AP3D1: variants seen among roughly 807,000 people sequenced by gnomAD.
AP3D1 encodes AP-3 complex subunit delta-1.
AP3D1 carries 51 observed loss-of-function variants against 147.6 expected under a neutral mutation model. The observed-to-expected ratio is 0.35, with a 90% confidence interval of 0.28 to 0.44. The LOEUF is 0.44. Ranked by LOEUF, AP3D1 falls within the 20% of genes least tolerant of loss-of-function variation. The probability of loss-of-function intolerance (pLI) is 1.00; values close to 1 mark genes in which losing one functional copy is unlikely to be tolerated. For synonymous variants in AP3D1, 760 were observed against 663.0 expected (o/e 1.15, Z -2.25); for missense variants, 1,421 against 1,624.2 (o/e 0.87, Z 2.15).
Position 2,101,392 on chromosome 19 carries a change from C to G in AP3D1, c.*781G>C, listed in dbSNP as rs866415380. 52 of 152,226 alleles carry G rather than the reference C, an allele frequency of 3.4e-4. No individual in the cohort carries two copies. Among genetic ancestry groups the G allele is most frequent in the African/African-American group, 1.2e-3 (49 of 41,442 alleles). 9.4% of individuals were successfully genotyped at this position (152,226 alleles called of 1,614,324 possible). On this transcript the variant is annotated 3_prime_UTR_variant, in exon 32 of 32. Coordinates refer to ENST00000643116, the MANE Select transcript of AP3D1 (RefSeq NM_001261826.3). ...GCTTCCAGGCCCTGCCTGGGCCTTC[C>G]TAAGGGTGCTGGGAAGGATGTGGGG... is the stretch of plus-strand genomic sequence containing the variant.
intron 1 of AP3D1, among the ~76,000 whole-genome samples, chr19:2,162,128 C>T (rs112928830): frequency 0.039 from 5,824 of 149,258 alleles, 375 homozygotes; most frequent in African/African-American, 0.14. Flanking sequence ...CTCTGCCTCC[C>T]GGACTCAAGT....
At chr19:2,138,529 G>A in intron 2 of AP3D1, 90 bp downstream of exon 2, 8 of 1,011,586 alleles carry the variant, frequency 7.9e-6, no homozygotes, top group Non-Finnish European at 1.2e-5. Flanking sequence ...ATGACTGACA[G>A]GTGGACAGAC....
intron 14 of AP3D1, among the ~76,000 whole-genome samples, chr19:2,119,509 C>T (rs904863729): frequency 2.6e-5 from 4 of 151,918 alleles, no homozygotes; most frequent in Admixed American, 1.3e-4. Context: ...CTGGCTAACA[C>T]GGTGAAACCC....
chr19:2,133,009 G>A (rs375713173), intron 4 of AP3D1, among the ~76,000 whole-genome samples: 319 of 152,328 alleles, frequency 2.1e-3, no homozygotes, highest in Middle Eastern at 0.01. Context: ...CCTGTCACAA[G>A]TCACTCCAAG....
chr19:2,114,921 C>T (rs2018397059), intron 20 of AP3D1, 100 bp from the exon 21 acceptor site: 32 of 1,312,164 alleles, frequency 2.4e-5, no homozygotes, highest in South Asian at 1.9e-4. Context: ...GCGGGCCACA[C>T]GCACAGGTGG....
intron 1 of AP3D1, among the ~76,000 whole-genome samples, chr19:2,141,618 T>A (rs976865708): frequency 6.6e-6 from 1 of 152,008 alleles, no homozygotes; most frequent in African/African-American, 2.4e-5. Context: ...ATTTTTGCAT[T>A]TTTAGCAGAG....
chr19:2,123,417 G>GA lies in AP3D1; in HGVS notation c.907-12dup. The GA allele has an allele frequency of 6.2e-7, 1 of 1,612,354 alleles. No individual in the cohort carries two copies. Among genetic ancestry groups the GA allele is most frequent in the Non-Finnish European group, 8.5e-7 (1 of 1,179,532 alleles). On this transcript the variant is annotated splice_polypyrimidine_tract_variant and intron_variant, in intron 10 of 31. Transcript: ENST00000643116. ...TTTCTGAACACAAAGCTGAAAAGAA[G>GA]AAAAAAACGATGCTGGTTACATCCT...
intron 1 of AP3D1, among the ~76,000 whole-genome samples, chr19:2,160,040 G>A (rs992192567): frequency 3.1e-4 from 47 of 151,590 alleles, no homozygotes; most frequent in African/African-American, 1.1e-3. Context: ...TAGTAGAGAC[G>A]GGGTTTCACC....
chr19:2,152,015 G>C (rs1032455507), upstream of AP3D1, among the ~76,000 whole-genome samples: 5 of 152,214 alleles, frequency 3.3e-5, no homozygotes, highest in African/African-American at 1.2e-4. Flanking sequence ...AACGGATCCT[G>C]TGGTTCCCGC....
rs537489502 is a variant in AP3D1, at chr19:2,114,316, G to A, written c.2424-14C>T. 5.7e-5 allele frequency: 92 copies of A among 1,605,464 alleles called. 2 individuals are homozygous for A. The South Asian group carries it at 9.9e-4, about 17-fold the overall frequency. On this transcript the variant is annotated splice_polypyrimidine_tract_variant and intron_variant, in intron 21 of 31. Coordinates refer to ENST00000643116, the MANE Select transcript of AP3D1 (RefSeq NM_001261826.3). ...TCGGCTAAGGGCCTGGAGGAGGAATGACCGGGCCACACATCAGCACCACTG... is the reference window on the plus strand; with the variant it reads ...TCGGCTAAGGGCCTGGAGGAGGAATAACCGGGCCACACATCAGCACCACTG...
In AP3D1 at chr19:2,115,540, G is replaced by C; in HGVS notation, c.2147C>G (p.Pro716Arg). 6.2e-7 allele frequency: 1 copy of C among 1,613,176 alleles called. No individual in the cohort carries two copies. Among genetic ancestry groups the C allele is most frequent in the Non-Finnish European group, 8.5e-7 (1 of 1,179,804 alleles). ...QIDLSVPLKVPGLPMSDQYVK... is the reference protein window; with the variant it reads ...QIDLSVPLKVRGLPMSDQYVK... ...GCCGACACACCGGAGACACTTGCCT[G>C]GAACCTTCAAGGGGACGGAGAGGTC... The change falls in exon 19 of 32, where the codon CCA (proline) becomes CGA (arginine). Residue 716 changes from proline to arginine, a missense_variant and splice_region_variant. Physicochemically the swap from Pro to Arg is moderately radical, Grantham distance 103. This residue lies in a region of AP3D1 where 791 missense variants were observed against 761.4 expected (regional missense o/e 1.04). Transcript: ENST00000643116.
Position 2,101,943 on chromosome 19 carries a change from C to T in AP3D1, c.*230G>A, listed in dbSNP as rs1322148170. The T allele has an allele frequency of 2.1e-5, 11 of 511,744 alleles. No homozygotes were observed. The highest frequency in any genetic ancestry group is 6.0e-5 in the African/African-American group (3 of 50,374). 31.7% of individuals were successfully genotyped at this position (511,744 alleles called of 1,614,324 possible). On this transcript the variant is annotated 3_prime_UTR_variant, in exon 32 of 32. Coordinates refer to ENST00000643116, the MANE Select transcript of AP3D1 (RefSeq NM_001261826.3). ...GGGGAGTCCCTTGCTGGTTTGGGGG[C>T]GAGAAGGGGACTTCTTGCCAAAGAG... is the stretch of plus-strand genomic sequence containing the variant.
upstream of AP3D1, among the ~76,000 whole-genome samples, chr19:2,153,455 C>G (rs1230606277): frequency 1.3e-5 from 2 of 152,024 alleles, no homozygotes; most frequent in African/African-American, 4.8e-5. Context: ...GAGGACAGAT[C>G]ACTTGAGGTC....
chr19:2,129,518 G>A, intron 6 of AP3D1, 61 bp from the exon 7 acceptor site: 1 of 1,563,972 alleles, frequency 6.4e-7, no homozygotes, highest in South Asian at 1.2e-5. Context: ...CCATCCTACT[G>A]TCTTCCTGGC....
At chr19:2,158,230 G>T (rs903489712) in intron 1 of AP3D1, among the ~76,000 whole-genome samples, 13 of 151,876 alleles carry the variant, frequency 8.6e-5, no homozygotes, top group Admixed American at 2.6e-4. Context: ...TAATTTTTTC[G>T]TATTTTTAGT....
chr19:2,140,425 C>T (rs1009925044), intron 1 of AP3D1, among the ~76,000 whole-genome samples: 8 of 152,098 alleles, frequency 5.3e-5, no homozygotes, highest in African/African-American at 1.7e-4. Context: ...CCACGCTCGC[C>T]GCTGATGAAT....
At chr19:2,112,130 A>G (rs964424178) in intron 24 of AP3D1, 5 of 457,228 alleles carry the variant, frequency 1.1e-5, no homozygotes, top group Non-Finnish European at 2.0e-5. Context: ...CAGCAACCCC[A>G]CGCCCATGTG....
At chr19:2,160,375 A>G (rs1438829370) in intron 1 of AP3D1, among the ~76,000 whole-genome samples, 1 of 152,128 alleles carries the variant, frequency 6.6e-6, no homozygotes, top group Non-Finnish European at 1.5e-5. Context: ...CTAAAAATAC[A>G]AAAATCAGCC....
chr19:2,109,224 G>C lies in AP3D1; in HGVS notation c.3351-17C>G. 2 of 1,566,460 alleles carry C rather than the reference G, an allele frequency of 1.3e-6. No individual in the cohort carries two copies. The highest frequency in any genetic ancestry group is 8.6e-7 in the Non-Finnish European group (1 of 1,159,430). On this transcript the variant is annotated splice_polypyrimidine_tract_variant and intron_variant, in intron 29 of 31. Coordinates refer to ENST00000643116, the MANE Select transcript of AP3D1 (RefSeq NM_001261826.3). ...AAGGCGTCACTGTGGGAGGGACAGG[G>C]AGGCTGACTGCGGTGGGGCCGGGCT...
Sources: gnomAD v4.1 joint callset for allele counts (sites outside exome capture counted in the v4.1 genomes callset) on GRCh38, gnomAD v4.1.1 for gene constraint, gnomAD v4.1.1 regional missense constraint, MANE v1.5 for transcripts, NCBI Gene and HGNC (gene_info 2026-07-23, HGNC 2026-07-21) for gene names.